Variants in DCLK1 observed in about 807,000 individuals in gnomAD.
DCLK1 encodes the protein serine/threonine-protein kinase DCLK1.
In DCLK1, 16 loss-of-function variants were observed where a neutral mutation model predicts 86.2. That is an observed-to-expected ratio of 0.19 (90% CI 0.13 to 0.28). DCLK1 has a LOEUF of 0.28. DCLK1 is among the 10% of genes least tolerant of loss of function. The pLI, the probability that DCLK1 is intolerant of heterozygous loss-of-function variation, is 1.00. For missense variants in DCLK1, 590 were observed against 940.2 expected, an observed-to-expected ratio of 0.63 and a Z score of 4.87; for synonymous variants, 369 against 370.5, an observed-to-expected ratio of 1.00 and a Z score of 0.05.
intron 4 of DCLK1, among the ~76,000 whole-genome samples, chr13:35,936,229 C>G (rs1357137445): frequency 6.6e-6 from 1 of 152,126 alleles, no homozygotes; most frequent in Non-Finnish European, 1.5e-5. Context: ...ATATAGAACA[C>G]TGAATATAGT....
At chr13:36,048,244 G>A (rs1037009956) in intron 3 of DCLK1, among the ~76,000 whole-genome samples, 1 of 152,034 alleles carries the variant, frequency 6.6e-6, no homozygotes, top group Non-Finnish European at 1.5e-5. Flanking sequence ...CCTTTCACTA[G>A]GGACAAAGCA....
chr13:35,987,988 G>A (rs1378895214), intron 3 of DCLK1, among the ~76,000 whole-genome samples: 2 of 152,288 alleles, frequency 1.3e-5, no homozygotes, highest in South Asian at 2.1e-4. Flanking sequence ...AGCCTCCTGC[G>A]TGCTGTGCTG....
chr13:35,962,179 A>G (rs1465960664), intron 3 of DCLK1, among the ~76,000 whole-genome samples: 1 of 152,152 alleles, frequency 6.6e-6, no homozygotes, highest in Non-Finnish European at 1.5e-5. Flanking sequence ...CCCAAAACTT[A>G]TAGGTCAAAG....
At chr13:35,848,179 C>A (rs1870350574) in intron 6 of DCLK1, 1 of 985,050 alleles carries the variant, frequency 1.0e-6, no homozygotes, top group African/African-American at 1.7e-5. Flanking sequence ...TGAAGCATTC[C>A]CCGCTCAGTA....
chr13:35,842,886 T>C (rs1869903956), intron 6 of DCLK1, among the ~76,000 whole-genome samples: 1 of 152,236 alleles, frequency 6.6e-6, no homozygotes, highest in Non-Finnish European at 1.5e-5. Context: ...GATGGCTCTT[T>C]GGGTAATCCA....
At chr13:36,092,732 C>A (rs1202176737) in intron 3 of DCLK1, among the ~76,000 whole-genome samples, 2 of 151,686 alleles carry the variant, frequency 1.3e-5, no homozygotes, top group Admixed American at 6.6e-5. Flanking sequence ...GTGATCCGCC[C>A]GCCTCGGCCT....
chr13:35,798,627 T>C (rs2086859046), intron 15 of DCLK1, among the ~76,000 whole-genome samples: 1 of 152,156 alleles, frequency 6.6e-6, no homozygotes, highest in Admixed American at 6.5e-5. Context: ...ACACTGCACT[T>C]TGGGAGAAAA....
chr13:35,828,378 T>C (rs1021780795), intron 8 of DCLK1, 71 bp from the exon 9 acceptor site: 2 of 1,245,804 alleles, frequency 1.6e-6, no homozygotes, highest in Non-Finnish European at 2.3e-6. Flanking sequence ...TTGTCAGGGA[T>C]CAATTTCCTA....
chr13:36,122,687 T>A (rs1468089749), intron 2 of DCLK1, among the ~76,000 whole-genome samples: 1 of 152,220 alleles, frequency 6.6e-6, no homozygotes, highest in Non-Finnish European at 1.5e-5. Context: ...AATTCAACTT[T>A]CCTTATTAAG....
intron 4 of DCLK1, among the ~76,000 whole-genome samples, chr13:35,894,336 C>T (rs1873821028): frequency 6.6e-6 from 1 of 152,202 alleles, no homozygotes; most frequent in South Asian, 2.1e-4. Context: ...GGGCACACAG[C>T]TACACGGCAT....
At chr13:35,871,660 T>G (rs1483417217) in intron 4 of DCLK1, among the ~76,000 whole-genome samples, 1 of 150,064 alleles carries the variant, frequency 6.7e-6, no homozygotes, top group East Asian at 1.9e-4. Context: ...CTCCTTGAGT[T>G]ATCTGTATAT....
chr13:35,958,039 C>CCACCACTATAACCAT (rs1878125988), intron 3 of DCLK1, among the ~76,000 whole-genome samples: 1 of 140,546 alleles, frequency 7.1e-6, no homozygotes, highest in African/African-American at 2.8e-5. Flanking sequence ...ACTACCACCA[C>CCACCACTATAACCAT]CACCACCATC....
At chr13:35,859,192 G>A (rs9574751) in intron 5 of DCLK1, among the ~76,000 whole-genome samples, 7 of 152,040 alleles carry the variant, frequency 4.6e-5, no homozygotes, top group South Asian at 4.2e-4. Context: ...AAACTAACAC[G>A]GTTGTTGTTA....
intron 3 of DCLK1, among the ~76,000 whole-genome samples, chr13:35,992,684 A>G (rs905907588): frequency 1.3e-5 from 2 of 152,078 alleles, no homozygotes; most frequent in African/African-American, 4.8e-5. Context: ...CATATGTTCA[A>G]TTTGCCTAGG....
chr13:35,943,775 T>G (rs1877219150), intron 4 of DCLK1, among the ~76,000 whole-genome samples: 1 of 152,172 alleles, frequency 6.6e-6, no homozygotes, highest in Non-Finnish European at 1.5e-5. Context: ...AACAAAACCC[T>G]ATCACTTTTA....
At chr13:36,072,457 T>C (rs1395115503) in intron 3 of DCLK1, among the ~76,000 whole-genome samples, 4 of 152,250 alleles carry the variant, frequency 2.6e-5, no homozygotes, top group Middle Eastern at 3.2e-3. Flanking sequence ...CATCCGGTTT[T>C]ATTGCTTTAA....
intron 4 of DCLK1, among the ~76,000 whole-genome samples, chr13:35,943,812 A>G (rs1877223758): frequency 6.6e-6 from 1 of 152,222 alleles, no homozygotes; most frequent in Non-Finnish European, 1.5e-5. Flanking sequence ...AAATTCGTCC[A>G]TTTGTCATCA....
chr13:35,954,333 T>A (rs1039691379), intron 3 of DCLK1, among the ~76,000 whole-genome samples: 1 of 152,164 alleles, frequency 6.6e-6, no homozygotes, highest in Non-Finnish European at 1.5e-5. Context: ...ACTTGGCACA[T>A]ATGGGGCTCC....
intron 3 of DCLK1, among the ~76,000 whole-genome samples, chr13:35,983,011 G>A (rs564321477): frequency 4.0e-4 from 61 of 152,178 alleles, no homozygotes; most frequent in Admixed American, 3.9e-4. Flanking sequence ...TGATCCTCCC[G>A]CCATGGCCTC....
Sources: gnomAD v4.1 joint callset for allele counts (sites outside exome capture counted in the v4.1 genomes callset) on GRCh38, gnomAD v4.1.1 for gene constraint, MANE v1.5 for transcripts, NCBI Gene and HGNC (gene_info 2026-07-23, HGNC 2026-07-21) for gene names.